Variants in ST7L observed in about 807,000 individuals in gnomAD.
ST7L encodes the protein suppression of tumorigenicity 7 like, also known as suppressor of tumorigenicity 7 protein-like.
In ST7L, 57 loss-of-function variants were observed where a neutral mutation model predicts 72.5. The ratio of observed to expected loss-of-function variants is 0.79; its 90% CI spans 0.64 to 0.98. The LOEUF is 0.98. Ranked by LOEUF, ST7L falls within the 50% of genes least tolerant of loss-of-function variation. The pLI, the probability that ST7L is intolerant of heterozygous loss-of-function variation, is 0.00. For missense variants in ST7L, 576 were observed against 672.2 expected, an observed-to-expected ratio of 0.86 and a Z score of 1.58; for synonymous variants, 221 against 240.9, an observed-to-expected ratio of 0.92 and a Z score of 0.77.
Position 112,616,816 on chromosome 1 carries a change from T to C in ST7L, c.285A>G (p.Ile95Met), listed in dbSNP as rs759330400. 10 of 1,589,018 alleles carry C rather than the reference T, an allele frequency of 6.3e-6. No individual in the cohort carries two copies. The Admixed American group carries it at 1.8e-4, about 29-fold the overall frequency. The change falls in exon 2 of 15, where the codon ATA (isoleucine) becomes ATG (methionine). Residue 95 changes from isoleucine (I) to methionine (M), a missense_variant. This residue lies in a region of ST7L where 511 missense variants were observed against 600.7 expected (regional missense o/e 0.85). Transcript: ENST00000358039. The stretch of plus-strand genomic sequence containing the variant: ...GAAGGAAATGGAAACTACTTACAAA[T>C]ATTAGTCCTGATATCAATGAAGAGG... Reference protein sequence around the residue: ...TGTSSLISGLIFIFEWWYFHK... With the variant: ...TGTSSLISGLMFIFEWWYFHK...
chr1:112,533,506 G>A (rs779552196), intron 14 of ST7L, among the ~76,000 whole-genome samples: 6 of 151,696 alleles, frequency 4.0e-5, no homozygotes, highest in Non-Finnish European at 8.8e-5. Context: ...TAGTAGAGAC[G>A]CGGTTTCACC....
At chr1:112,547,391 C>T (rs1657270856) in intron 13 of ST7L, among the ~76,000 whole-genome samples, 2 of 151,744 alleles carry the variant, frequency 1.3e-5, no homozygotes, top group Admixed American at 6.6e-5. Flanking sequence ...TGGGGTTTTG[C>T]CATGTTGGCC....
chr1:112,550,006 A>G (rs1657847031), intron 13 of ST7L, among the ~76,000 whole-genome samples: 2 of 152,284 alleles, frequency 1.3e-5, no homozygotes, highest in South Asian at 4.1e-4. Flanking sequence ...TTTATCTTGA[A>G]TGAGAGCCAG....
At chr1:112,565,211 ATTTTTTTT>A (rs777969643) in intron 11 of ST7L, among the ~76,000 whole-genome samples, 27 of 57,946 alleles carry the variant, frequency 4.7e-4, no homozygotes, top group South Asian at 2.8e-3. Flanking sequence ...TGTTCGGCTA[ATTTTTTTT>A]TTTTTTTTTT....
downstream of ST7L, chr1:112,522,732 C>A (rs913501222): frequency 6.6e-6 from 1 of 152,262 alleles, no homozygotes; most frequent in African/African-American, 2.4e-5. Flanking sequence ...GGTTTCACAT[C>A]CATTAACACA....
At chr1:112,543,876 A>T (rs1656622236) in intron 13 of ST7L, among the ~76,000 whole-genome samples, 1 of 151,562 alleles carries the variant, frequency 6.6e-6, no homozygotes, top group Admixed American at 6.6e-5. Context: ...CTCAAAAAAA[A>T]AAAAAAAAAA....
intron 13 of ST7L, 96 bp from the exon 14 acceptor site, chr1:112,542,186 AAG>A (rs931478534): frequency 1.6e-6 from 2 of 1,281,170 alleles, no homozygotes; most frequent in Admixed American, 6.0e-5. Context: ...AAAAATTAAA[AAG>A]AAAAAAAATT....
intron 13 of ST7L, among the ~76,000 whole-genome samples, chr1:112,547,559 A>ATTTT (rs1657313204): frequency 1.2e-5 from 1 of 83,378 alleles, no homozygotes; most frequent in Non-Finnish European, 2.4e-5. Flanking sequence ...CATCTTTGTC[A>ATTTT]TCTTTTTTTT....
chr1:112,590,635 A>G (rs1665552465), intron 6 of ST7L, among the ~76,000 whole-genome samples: 1 of 152,158 alleles, frequency 6.6e-6, no homozygotes, highest in Admixed American at 6.5e-5. Context: ...CTTGGTATTT[A>G]TTTAGTCTGC....
At chr1:112,619,410 C>T, upstream of ST7L, 1 of 542,190 alleles carries the variant, frequency 1.8e-6, no homozygotes, top group South Asian at 2.6e-5. Flanking sequence ...TCACACCGCC[C>T]CCCCCCCGGG....
chr1:112,593,254 G>C (rs899766487), intron 5 of ST7L, among the ~76,000 whole-genome samples: 2 of 152,046 alleles, frequency 1.3e-5, no homozygotes, highest in Non-Finnish European at 2.9e-5. Context: ...AAGCAGAAAG[G>C]AGAAATAAAG....
chr1:112,616,226 G>A (rs573741203), intron 2 of ST7L, among the ~76,000 whole-genome samples: 1 of 152,016 alleles, frequency 6.6e-6, no homozygotes, highest in African/African-American at 2.4e-5. Flanking sequence ...TTACCAACTT[G>A]GGCTCTGCAG....
In ST7L at chr1:112,555,964, C is replaced by T; in HGVS notation, c.1300G>A (p.Gly434Ser). 2 of 1,611,892 alleles carry T rather than the reference C, an allele frequency of 1.2e-6. No homozygotes were observed. Among genetic ancestry groups the T allele is most frequent in the East Asian group, 2.2e-5 (1 of 44,820 alleles). ...ILPPEHILKR[G>S]DSEAIAYAFF... The stretch of plus-strand genomic sequence containing the variant: ...GCATAGGCAATTGCTTCACTATCAC[C>T]CCGTTTCAGAATGTGTTCTGGAGGT... The change falls in exon 12 of 15, where the codon GGT (glycine) becomes AGT (serine). Residue 434 changes from glycine to serine, a missense_variant. By Grantham distance (56) the Gly-to-Ser change is moderately conservative. This residue lies in a region of ST7L where 511 missense variants were observed against 600.7 expected (regional missense o/e 0.85). Coordinates refer to ENST00000358039, the MANE Select transcript of ST7L (RefSeq NM_017744.5).
intron 5 of ST7L, among the ~76,000 whole-genome samples, chr1:112,596,010 G>A (rs1209770653): frequency 1.3e-5 from 2 of 152,164 alleles, no homozygotes; most frequent in Non-Finnish European, 2.9e-5. Context: ...TTGCAATTCA[G>A]TGTCACTCTG....
At chr1:112,592,001 A>AT (rs1665789554) in intron 5 of ST7L, among the ~76,000 whole-genome samples, 1 of 152,112 alleles carries the variant, frequency 6.6e-6, no homozygotes, top group African/African-American at 2.4e-5. Context: ...AAAAATAAAA[A>AT]TATACAAAAA....
chr1:112,612,041 T>C (rs991230246), intron 2 of ST7L, among the ~76,000 whole-genome samples: 1 of 151,260 alleles, frequency 6.6e-6, no homozygotes, highest in African/African-American at 2.4e-5. Flanking sequence ...GATACATGTA[T>C]TACTTTAAAG....
intron 11 of ST7L, among the ~76,000 whole-genome samples, chr1:112,573,880 C>T (rs1662584019): frequency 6.7e-6 from 1 of 148,348 alleles, no homozygotes; most frequent in South Asian, 2.1e-4. Flanking sequence ...GGCATGAGAG[C>T]AAGACCCTGT....
In ST7L at chr1:112,552,593, G is replaced by A. The variant is rs185953596; in HGVS notation, c.1397-1900C>T. 9.6e-4 allele frequency among the ~76,000 whole-genome samples: 146 copies of A among 152,148 alleles called. 1 individual carries two copies. In the East Asian group the frequency reaches 0.022, roughly 23 times the overall value. ...CTAATTTTGTATTTTTAGTAGAGAC[G>A]GGGTTTCTCCATGTTGGTCAGGCTG... On this transcript the variant is annotated intron_variant, in intron 12 of 14. Coordinates refer to ENST00000358039, the MANE Select transcript of ST7L (RefSeq NM_017744.5).
downstream of ST7L, chr1:112,518,580 C>T (rs977226395): frequency 6.6e-6 from 1 of 152,178 alleles, no homozygotes; most frequent in Non-Finnish European, 1.5e-5. Context: ...AGTATACTTT[C>T]CTCCCACTTG....
Sources: allele counts gnomAD v4.1 joint callset (sites outside exome capture counted in the v4.1 genomes callset), GRCh38; gene constraint gnomAD v4.1.1; regional missense constraint gnomAD v4.1.1; transcripts MANE v1.5; gene names NCBI Gene and HGNC (gene_info 2026-07-23, HGNC 2026-07-21).